The following MBOAT1 variants were observed in gnomAD, a reference collection of about 807,000 sequenced individuals.
The protein encoded by MBOAT1 is membrane-bound glycerophospholipid O-acyltransferase 1.
A neutral mutation model predicts 64.4 loss-of-function variants in MBOAT1; 67 were observed. That is an observed-to-expected ratio of 1.04 (90% confidence interval 0.85 to 1.27). MBOAT1 has a LOEUF of 1.27. Among genes scored for constraint, MBOAT1 ranks in the 50% most tolerant of loss-of-function variants. The pLI is 0.00. For synonymous variants in MBOAT1, 229 were observed against 218.9 expected (o/e 1.05, Z -0.41); for missense variants, 563 against 604.6 (o/e 0.93, Z 0.72).
At chr6:20,102,469 C>T (rs2113619365) in intron 12 of MBOAT1, 57 bp from the exon 13 acceptor site, 1 of 1,438,522 alleles carries the variant, frequency 7.0e-7, no homozygotes, top group Non-Finnish European at 9.6e-7. Context: ...ATGGGAAACA[C>T]CACCTAATTA....
intron 9 of MBOAT1, among the ~76,000 whole-genome samples, chr6:20,116,246 T>G (rs1424144615): frequency 1.3e-5 from 2 of 151,976 alleles, no homozygotes; most frequent in Non-Finnish European, 2.9e-5. Context: ...GCAGGCGAAT[T>G]GCTTGAACCC....
chr6:20,111,407 A>C (rs988267159), intron 11 of MBOAT1, among the ~76,000 whole-genome samples: 1 of 152,128 alleles, frequency 6.6e-6, no homozygotes, highest in African/African-American at 2.4e-5. Context: ...GCCCGAAGAC[A>C]CTTTATGACT....
chr6:20,161,552 T>C (rs978676364), intron 1 of MBOAT1, among the ~76,000 whole-genome samples: 2 of 152,102 alleles, frequency 1.3e-5, no homozygotes, highest in African/African-American at 4.8e-5. Flanking sequence ...ATGCCGTTTA[T>C]CCAGTGCCTA....
At chr6:20,157,433 C>G (rs1025059179) in intron 1 of MBOAT1, among the ~76,000 whole-genome samples, 1 of 152,120 alleles carries the variant, frequency 6.6e-6, no homozygotes, top group African/African-American at 2.4e-5. Context: ...GCAAAAATAA[C>G]GTGTAAAATG....
At chr6:20,174,710 A>G (rs1032839510) in intron 1 of MBOAT1, among the ~76,000 whole-genome samples, 3 of 152,226 alleles carry the variant, frequency 2.0e-5, no homozygotes, top group African/African-American at 4.8e-5. Context: ...TTTCAGCTCC[A>G]TTGTAACCTT....
intron 1 of MBOAT1, among the ~76,000 whole-genome samples, chr6:20,178,793 T>A (rs1383860475): frequency 6.6e-6 from 1 of 152,172 alleles, no homozygotes; most frequent in East Asian, 1.9e-4. Context: ...TGGGATGCAA[T>A]CATTGTCTGG....
intron 4 of MBOAT1, among the ~76,000 whole-genome samples, chr6:20,138,639 T>C (rs1761072834): frequency 6.6e-6 from 1 of 152,134 alleles, no homozygotes; most frequent in Non-Finnish European, 1.5e-5. Flanking sequence ...ATAAAACAAA[T>C]GGAGATGTGA....
Position 20,109,645 on chromosome 6 carries a change from T to C in MBOAT1, c.1314A>G (p.Val438=). The C allele has an allele frequency of 6.2e-7, 1 of 1,614,168 alleles. No individual in the cohort carries two copies. The highest frequency in any genetic ancestry group is 8.5e-7 in the Non-Finnish European group (1 of 1,180,010). Residue 438 remains valine (V), a synonymous_variant, in exon 12 of 13, where the codon GTA becomes GTG. Transcript: ENST00000324607. The part of the protein sequence containing the change: ...AVTQLAVSYT[V]APFVMLAVEP... ...CAACTGCCAACATCACAAAGGGTGC[T>C]ACCGTGTAAGAGACAGCCAGCTGAG...
intron 12 of MBOAT1, among the ~76,000 whole-genome samples, chr6:20,107,139 A>AGCT (rs1257263967): frequency 5.9e-5 from 9 of 152,162 alleles, no homozygotes; most frequent in Admixed American, 2.0e-4. Context: ...TTTAACATTT[A>AGCT]GCTGCTGTGT....
At chr6:20,152,488 A>G (rs552596321) in intron 2 of MBOAT1, 136 bp downstream of exon 2, 26 of 855,494 alleles carry the variant, frequency 3.0e-5, no homozygotes, top group East Asian at 2.0e-4. Flanking sequence ...TTATCCTACT[A>G]TAAGGTATTT....
chr6:20,159,559 C>A (rs1432732789), intron 1 of MBOAT1, among the ~76,000 whole-genome samples: 2 of 152,044 alleles, frequency 1.3e-5, no homozygotes, highest in African/African-American at 4.8e-5. Flanking sequence ...ATCTTAAGTG[C>A]ATGTGGAATC....
At chr6:20,162,190 G>A (rs1761884627) in intron 1 of MBOAT1, among the ~76,000 whole-genome samples, 1 of 152,136 alleles carries the variant, frequency 6.6e-6, no homozygotes, top group Non-Finnish European at 1.5e-5. Flanking sequence ...TCGGGGTTTA[G>A]GACTTCAACA....
At chr6:20,144,187 G>A in intron 4 of MBOAT1, 33 bp downstream of exon 4, 1 of 1,446,338 alleles carries the variant, frequency 6.9e-7, no homozygotes, top group Non-Finnish European at 9.7e-7. Flanking sequence ...AAAGTCAGCA[G>A]TAAAACCCCT....
At chr6:20,120,686 A>C (rs979567860) in intron 8 of MBOAT1, among the ~76,000 whole-genome samples, 1 of 152,058 alleles carries the variant, frequency 6.6e-6, no homozygotes, top group Non-Finnish European at 1.5e-5. Context: ...ATTTAAAAAA[A>C]CATGTAGTTT....
chr6:20,171,656 C>G (rs1414034334), intron 1 of MBOAT1, among the ~76,000 whole-genome samples: 1 of 152,210 alleles, frequency 6.6e-6, no homozygotes, highest in South Asian at 2.1e-4. Flanking sequence ...TCACTCCCAA[C>G]TTAATGGAAA....
intron 4 of MBOAT1, among the ~76,000 whole-genome samples, chr6:20,138,223 C>A (rs1339009064): frequency 6.6e-6 from 1 of 152,120 alleles, no homozygotes; most frequent in Non-Finnish European, 1.5e-5. Flanking sequence ...AGACAACATA[C>A]CCTTCGAGAA....
intron 1 of MBOAT1, among the ~76,000 whole-genome samples, chr6:20,167,176 C>T (rs1762039535): frequency 1.3e-5 from 2 of 152,124 alleles, no homozygotes; most frequent in South Asian, 2.1e-4. Flanking sequence ...TTTACTCAAC[C>T]GTTCTGCAAC....
chr6:20,168,658 A>AG (rs1762099396), intron 1 of MBOAT1, among the ~76,000 whole-genome samples: 1 of 102,904 alleles, frequency 9.7e-6, no homozygotes, highest in African/African-American at 4.2e-5. Context: ...GAGGAGAGGG[A>AG]AAGAGAGAAA....
intron 6 of MBOAT1, among the ~76,000 whole-genome samples, chr6:20,127,970 T>G (rs1236773825): frequency 6.6e-6 from 1 of 152,004 alleles, no homozygotes; most frequent in Non-Finnish European, 1.5e-5. Context: ...TCAATAGTGC[T>G]CCACTGCTTC....
Sources: gnomAD v4.1 joint callset for allele counts (sites outside exome capture counted in the v4.1 genomes callset) on GRCh38, gnomAD v4.1.1 for gene constraint, MANE v1.5 for transcripts, NCBI Gene and HGNC (gene_info 2026-07-23, HGNC 2026-07-21) for gene names.